Variants in LTBP1 observed in about 807,000 individuals in gnomAD.
The protein encoded by LTBP1 is latent transforming growth factor beta binding protein 1.
In LTBP1, 129 loss-of-function variants were observed where a neutral mutation model predicts 207.6. The ratio of observed to expected loss-of-function variants is 0.62; its 90% confidence interval spans 0.54 to 0.72. The LOEUF (loss-of-function observed/expected upper bound fraction) is 0.72, where lower values mean the gene tolerates loss of function less well. Among genes scored for constraint, LTBP1 ranks in the 30% least tolerant of loss-of-function variants. The pLI, the probability that LTBP1 is intolerant of heterozygous loss-of-function variation, is 0.00. For missense variants in LTBP1, 2,281 were observed against 2,217.2 expected (o/e 1.03, Z -0.58); for synonymous variants, 963 against 833.7 (o/e 1.16, Z -2.67).
chr2:33,345,259 C>A (rs942546974), intron 25 of LTBP1, among the ~76,000 whole-genome samples: 20 of 152,190 alleles, frequency 1.3e-4, no homozygotes, highest in African/African-American at 4.8e-4. Flanking sequence ...GAACTTTTCA[C>A]TCCTCACACT....
intron 3 of LTBP1, among the ~76,000 whole-genome samples, chr2:33,038,745 C>T (rs948729491): frequency 6.6e-6 from 1 of 152,224 alleles, no homozygotes; most frequent in Admixed American, 6.5e-5. Context: ...GAACCCATAG[C>T]ACTGTTGAAT....
At position 32,959,135 on chromosome 2, in the gene LTBP1, G is replaced by C. The variant is rs183979119; in HGVS notation, c.565+10190G>C. On this transcript the variant is annotated intron_variant, in intron 2 of 33. Transcript: ENST00000404816. ...GTTGTGTTTTGTAAACTAGAAGATG[G>C]ATGGGCTGGTTTTTTAATGCATGCT... 5.7e-3 allele frequency among the ~76,000 whole-genome samples: 864 copies of C among 152,312 alleles called. 2 individuals carry two copies. Among genetic ancestry groups the C allele is most frequent in the Middle Eastern group, 0.01 (3 of 294 alleles).
intron 3 of LTBP1, among the ~76,000 whole-genome samples, chr2:33,051,446 C>A (rs1318202387): frequency 2.0e-5 from 3 of 152,086 alleles, no homozygotes; most frequent in Non-Finnish European, 4.4e-5. Context: ...CACACACACA[C>A]AAAACTGTAG....
In LTBP1 at chr2:33,243,779, G is replaced by A. The variant is rs770077899; in HGVS notation, c.1994G>A (p.Cys665Tyr). The change falls in exon 10 of 34, where the codon TGT (cysteine) becomes TAT (tyrosine). Residue 665 changes from cysteine to tyrosine, a missense_variant. Cys to Tyr is a radical substitution (Grantham distance 194). This residue lies in a region of LTBP1 where 1,671 missense variants were observed against 1,634.8 expected (regional missense o/e 1.02). Coordinates refer to ENST00000404816, the MANE Select transcript of LTBP1 (RefSeq NM_206943.4). The stretch of plus-strand genomic sequence containing the variant: ...GGGCCGGATCCTACCTTTTCAAGTT[G>A]TGTTCGTAAGTAATAATCACTTTTT... ...GFGPDPTFSS[C>Y]VPDPPVISEE... 5 of 1,613,732 alleles carry A rather than the reference G, an allele frequency of 3.1e-6. No individual in the cohort carries two copies. The highest frequency in any genetic ancestry group is 3.4e-6 in the Non-Finnish European group (4 of 1,179,842).
chr2:32,965,225 T>C (rs1286180904), intron 2 of LTBP1, among the ~76,000 whole-genome samples: 3 of 152,024 alleles, frequency 2.0e-5, no homozygotes, highest in East Asian at 3.9e-4. Context: ...CAGAGCAAAA[T>C]TGAACAGAAA....
At chr2:33,292,453 G>A (rs959475304) in intron 19 of LTBP1, among the ~76,000 whole-genome samples, 1 of 152,194 alleles carries the variant, frequency 6.6e-6, no homozygotes, top group African/African-American at 2.4e-5. Context: ...CTAAGCTTCA[G>A]TTCCTTCCTC....
intron 4 of LTBP1, among the ~76,000 whole-genome samples, chr2:33,116,490 C>G (rs553255831): frequency 6.6e-6 from 1 of 152,222 alleles, no homozygotes; most frequent in African/African-American, 2.4e-5. Context: ...CAATTTATCT[C>G]CTGATGTGCT....
At chr2:33,167,343 A>C (rs78929499) in intron 5 of LTBP1, among the ~76,000 whole-genome samples, 2,149 of 151,956 alleles carry the variant, frequency 0.014, 22 homozygotes, top group East Asian at 0.025. Flanking sequence ...AGTTTCATAA[A>C]AGCCTCATTT....
intron 18 of LTBP1, among the ~76,000 whole-genome samples, chr2:33,277,120 C>T (rs952995960): frequency 1.3e-5 from 2 of 152,172 alleles, no homozygotes; most frequent in African/African-American, 4.8e-5. Context: ...TGGCTTCTGC[C>T]TGTTGGTTTT....
At chr2:33,174,698 A>G (rs2085838785) in intron 5 of LTBP1, among the ~76,000 whole-genome samples, 1 of 152,210 alleles carries the variant, frequency 6.6e-6, no homozygotes, top group South Asian at 2.1e-4. Flanking sequence ...CGCATCGCAA[A>G]GTGAATCCTA....
At chr2:33,154,043 G>C (rs1293256287) in intron 5 of LTBP1, among the ~76,000 whole-genome samples, 1 of 152,180 alleles carries the variant, frequency 6.6e-6, no homozygotes, top group Admixed American at 6.5e-5. Flanking sequence ...CTTTGCTTTT[G>C]CAACCCCAGG....
In LTBP1 at chr2:33,277,760, C is replaced by CTTTCTTTCTTTCTTT. The variant is rs1219527688; in HGVS notation, c.2992+1837_2992+1838insTTTCTTTCTTTCTTT. Among the ~76,000 whole-genome samples the CTTTCTTTCTTTCTTT allele has an allele frequency of 5.6e-3, 534 of 95,390 alleles. 12 individuals are homozygous for CTTTCTTTCTTTCTTT. Among genetic ancestry groups the CTTTCTTTCTTTCTTT allele is most frequent in the Non-Finnish European group, 8.3e-3 (417 of 50,368 alleles). The allele number at this position is 95,390 out of a possible 152,430, so 62.6% of individuals were successfully genotyped here. On this transcript the variant is annotated intron_variant, in intron 18 of 33. Coordinates refer to ENST00000404816, the MANE Select transcript of LTBP1 (RefSeq NM_206943.4). ...GAAGTCAAATACTGATTTTTTTTTC[C>CTTTCTTTCTTTCTTT]CTTTCTTTCTTTCTTTCTTTCTTTC...
chr2:33,341,337 C>T (rs1342372067), intron 24 of LTBP1, among the ~76,000 whole-genome samples: 2 of 151,840 alleles, frequency 1.3e-5, no homozygotes, highest in African/African-American at 2.4e-5. Context: ...CTGGTCAGGG[C>T]GGGAGAAGGA....
rs576908630 is a variant in LTBP1 at position 33,342,541 on chromosome 2, C to A, written c.3731-297C>A. On this transcript the variant is annotated intron_variant, in intron 24 of 33. Coordinates refer to ENST00000404816, the MANE Select transcript of LTBP1 (RefSeq NM_206943.4). ...TCCCTTGGAAATAAAGAGTCGAGAA[C>A]GTTTAGGTAATACTGGGCGTGGCAC... is the stretch of plus-strand genomic sequence containing the variant. 1.3e-4 allele frequency among the ~76,000 whole-genome samples: 20 copies of A among 152,180 alleles called. 1 individual carries two copies. Among genetic ancestry groups the A allele is most frequent in the Non-Finnish European group, 2.6e-4 (18 of 68,046 alleles).
chr2:33,398,458 G>C lies in LTBP1; in HGVS notation c.5079G>C (p.Leu1693=). The change falls in exon 34 of 34, where the codon CTG becomes CTC. Residue 1693 remains leucine, a synonymous_variant. Coordinates refer to ENST00000404816, the MANE Select transcript of LTBP1 (RefSeq NM_206943.4). The part of the protein sequence containing the change: ...NTDGSYKCLC[L]PGYVPSDKPN... The stretch of plus-strand genomic sequence containing the variant: ...ATGGTTCCTACAAGTGTTTGTGTCT[G>C]CCAGGCTACGTGCCTTCTGACAAGC... The C allele has an allele frequency of 6.2e-7, 1 of 1,614,212 alleles. No individual in the cohort carries two copies. The highest frequency in any genetic ancestry group is 8.5e-7 in the Non-Finnish European group (1 of 1,180,010).
At chr2:33,358,364 A>G (rs1177056398) in intron 26 of LTBP1, among the ~76,000 whole-genome samples, 1 of 152,016 alleles carries the variant, frequency 6.6e-6, no homozygotes, top group Non-Finnish European at 1.5e-5. Flanking sequence ...TAGTAAACAA[A>G]ACAATGTTTA....
At chr2:33,224,555 T>C (rs1021740253) in intron 9 of LTBP1, among the ~76,000 whole-genome samples, 2 of 152,162 alleles carry the variant, frequency 1.3e-5, no homozygotes, top group Non-Finnish European at 2.9e-5. Flanking sequence ...GAGAAGACAT[T>C]TGGTCCTGAA....
intron 20 of LTBP1, 61 bp from the exon 21 acceptor site, chr2:33,300,390 G>A: frequency 6.5e-7 from 1 of 1,543,412 alleles, no homozygotes; most frequent in Non-Finnish European, 8.9e-7. Flanking sequence ...GCATTGCAGG[G>A]AGCACTGCAT....
chr2:33,179,258 C>T (rs184301304), intron 5 of LTBP1, among the ~76,000 whole-genome samples: 15 of 152,250 alleles, frequency 9.9e-5, no homozygotes, highest in Non-Finnish European at 2.1e-4. Flanking sequence ...TGACTCATGA[C>T]AGTTCTTCTT....
Sources: gnomAD v4.1 joint callset for allele counts (sites outside exome capture counted in the v4.1 genomes callset) on GRCh38, gnomAD v4.1.1 for gene constraint, gnomAD v4.1.1 regional missense constraint, MANE v1.5 for transcripts, NCBI Gene and HGNC (gene_info 2026-07-23, HGNC 2026-07-21) for gene names.